FAM186A: variants seen among roughly 807,000 people sequenced by gnomAD.
FAM186A encodes family with sequence similarity 186 member A.
Under a neutral mutation model 216.8 loss-of-function variants are expected in FAM186A, and 163 were observed. The ratio of observed to expected loss-of-function variants is 0.75; its 90% confidence interval spans 0.66 to 0.86. FAM186A has a LOEUF of 0.86. Among genes scored for constraint, FAM186A ranks in the 40% least tolerant of loss-of-function variants. The probability of loss-of-function intolerance (pLI) is 0.00; values close to 1 mark genes in which losing one functional copy is unlikely to be tolerated. For missense variants in FAM186A, 2,184 were observed against 2,746.2 expected, an observed-to-expected ratio of 0.80 and a Z score of 4.58; for synonymous variants, 805 against 1,025.3, an observed-to-expected ratio of 0.79 and a Z score of 4.10.
intron 1 of FAM186A, among the ~76,000 whole-genome samples, chr12:50,391,222 C>T (rs1329452941): frequency 6.7e-6 from 1 of 149,466 alleles, no homozygotes; most frequent in Non-Finnish European, 1.5e-5. Context: ...CTCCTGACCT[C>T]AGGTGGTCTG....
intron 5 of FAM186A, among the ~76,000 whole-genome samples, chr12:50,332,523 CTTGA>C (rs1454069251): frequency 6.6e-6 from 1 of 152,174 alleles, no homozygotes; most frequent in African/African-American, 2.4e-5. Flanking sequence ...TTCTCCAAGC[CTTGA>C]TACCCATACC....
intron 1 of FAM186A, among the ~76,000 whole-genome samples, chr12:50,385,542 T>C (rs180970478): frequency 2.0e-5 from 3 of 151,084 alleles, no homozygotes; most frequent in East Asian, 2.0e-4. Context: ...AAAGCAAAAA[T>C]AGACAAATGG....
chr12:50,384,124 A>G (rs764259124), intron 1 of FAM186A, among the ~76,000 whole-genome samples: 39 of 152,192 alleles, frequency 2.6e-4, no homozygotes, highest in Middle Eastern at 3.4e-3. Context: ...CTCAAAAAAA[A>G]GAAAGAAAGA....
chr12:50,370,123 C>CAAAAAAA (rs56403101), intron 1 of FAM186A, among the ~76,000 whole-genome samples: 564 of 38,400 alleles, frequency 0.015, 59 homozygotes, highest in African/African-American at 0.036. Context: ...GACTCCATCT[C>CAAAAAAA]AAAAAAAAAA....
At chr12:50,362,999 A>G (rs1943050893) in intron 2 of FAM186A, 146 bp downstream of exon 2, 1 of 683,022 alleles carries the variant, frequency 1.5e-6, no homozygotes, top group South Asian at 2.5e-5. Context: ...TTTTATTCCT[A>G]CTGGAATAGA....
At chr12:50,327,753 C>CA (rs1409109008) in intron 7 of FAM186A, among the ~76,000 whole-genome samples, 1 of 151,980 alleles carries the variant, frequency 6.6e-6, no homozygotes, top group Non-Finnish European at 1.5e-5. Context: ...CCATGTTGCC[C>CA]AGGTTGGTCT....
intron 1 of FAM186A, among the ~76,000 whole-genome samples, chr12:50,374,852 A>C (rs911416756): frequency 2.6e-5 from 4 of 152,178 alleles, no homozygotes; most frequent in Non-Finnish European, 5.9e-5. Context: ...TATTTACAAC[A>C]AAAAGTTTGT....
intron 4 of FAM186A, among the ~76,000 whole-genome samples, chr12:50,346,096 G>C (rs1455859574): frequency 6.8e-6 from 1 of 148,136 alleles, no homozygotes; most frequent in Non-Finnish European, 1.5e-5. Flanking sequence ...GCTTCAGTCT[G>C]TGAGGCAGAA....
Position 50,353,705 on chromosome 12 carries a change from T to G in FAM186A, c.3127A>C (p.Lys1043Gln). 6.5e-7 allele frequency: 1 copy of G among 1,540,958 alleles called. No homozygotes were observed. Among genetic ancestry groups the G allele is most frequent in the Non-Finnish European group, 8.7e-7 (1 of 1,143,496 alleles). ...LKTLENLPDEKEPISITPPPS... is the reference protein window; with the variant it reads ...LKTLENLPDEQEPISITPPPS... ...GGAGGTGTGATTGATATGGGCTCCT[T>G]TTCATCAGGAAGGTTCTCTAATGTC... Residue 1043 changes from lysine (K) to glutamine (Q), a missense_variant, in exon 4 of 8, where the codon AAG (lysine) becomes CAG (glutamine). Physicochemically the swap from Lys to Gln is moderately conservative, Grantham distance 53. Coordinates refer to ENST00000327337, the MANE Select transcript of FAM186A (RefSeq NM_001145475.3).
intron 5 of FAM186A, among the ~76,000 whole-genome samples, 200 bp downstream of exon 5, chr12:50,333,711 C>G (rs1254658370): frequency 6.6e-6 from 1 of 152,034 alleles, no homozygotes; most frequent in Non-Finnish European, 1.5e-5. Flanking sequence ...TGGCAGACAC[C>G]CTGATTTCAC....
intron 3 of FAM186A, among the ~76,000 whole-genome samples, chr12:50,357,927 G>A (rs1257797826): frequency 2.0e-5 from 3 of 151,886 alleles, no homozygotes; most frequent in East Asian, 1.9e-4. Context: ...GCAGTGAGTC[G>A]AGATCACGCC....
At position 50,351,043 on chromosome 12, in the gene FAM186A, T is replaced by A. The variant is rs1942872738; in HGVS notation, c.5789A>T (p.His1930Leu). 6.4e-7 allele frequency: 1 copy of A among 1,551,042 alleles called. No individual in the cohort carries two copies. The highest frequency in any genetic ancestry group is 8.7e-7 in the Non-Finnish European group (1 of 1,146,870). The change falls in exon 4 of 8, where the codon CAT becomes CTT. Residue 1930 changes from histidine (H) to leucine (L), a missense_variant. By Grantham distance (99) the His-to-Leu change is moderately conservative. Around this residue, in one of 7 missense-constraint regions of FAM186A, gnomAD observed 721 missense variants for 816.4 expected, o/e 0.88. Transcript: ENST00000327337. Reference protein sequence around the residue: ...SSLWIPPTSRHPPTLWPSPAP... With the variant: ...SSLWIPPTSRLPPTLWPSPAP... ...TGGGGACGGCCATAGTGTGGGAGGA[T>A]GTCTAGAGGTGGGAGGGATCCATAA...
intron 4 of FAM186A, among the ~76,000 whole-genome samples, chr12:50,340,625 T>C (rs1449790246): frequency 6.6e-6 from 1 of 151,216 alleles, no homozygotes; most frequent in Non-Finnish European, 1.5e-5. Context: ...TGGTGAGCTA[T>C]GATCACACCA....
In FAM186A at chr12:50,363,353, C is replaced by T. The variant is rs1408834504; in HGVS notation, c.204G>A (p.Met68Ile). 6.5e-7 allele frequency: 1 copy of T among 1,549,478 alleles called. No individual in the cohort carries two copies. Residue 68 changes from methionine (M) to isoleucine (I), a missense_variant, in exon 2 of 8, where the codon ATG becomes ATA. Physicochemically the swap from Met to Ile is conservative, Grantham distance 10. Around this residue, in one of 7 missense-constraint regions of FAM186A, gnomAD observed 1,132 missense variants for 1,263.4 expected, o/e 0.90. Coordinates refer to ENST00000327337, the MANE Select transcript of FAM186A (RefSeq NM_001145475.3). ...QLHRAREDID[M>I]QLSEIMNNVH... is the part of the protein sequence containing the mutation. ...CATTGTTCATTATTTCACTCAGCTG[C>T]ATATCAATGTCCTGTCAGAATAAGA...
intron 3 of FAM186A, among the ~76,000 whole-genome samples, chr12:50,356,999 AACATACATACAT>A (rs71749786): frequency 0.81 from 122,119 of 149,896 alleles, 51,054 homozygotes; most frequent in Non-Finnish European, 0.92. Context: ...ACTTCGTCTC[AACATACATACAT>A]ACATACATAC....
At position 50,342,266 on chromosome 12, in the gene FAM186A, A is replaced by G. The variant is rs910298601; in HGVS notation, c.6503+8063T>C. On this transcript the variant is annotated intron_variant, in intron 4 of 7. Coordinates refer to ENST00000327337, the MANE Select transcript of FAM186A (RefSeq NM_001145475.3). ...GGTTGCAGTGAGCTGAGATCATGCCACTGCACTCCAGCCTGGGCAACCAAG... is the reference window on the plus strand; with the variant it reads ...GGTTGCAGTGAGCTGAGATCATGCCGCTGCACTCCAGCCTGGGCAACCAAG... Among the ~76,000 whole-genome samples, 21 of 150,990 alleles carry G rather than the reference A, an allele frequency of 1.4e-4. 1 individual carries two copies. Among genetic ancestry groups the G allele is most frequent in the African/African-American group, 5.1e-4 (21 of 41,082 alleles).
At chr12:50,363,112 T>C in intron 2 of FAM186A, 33 bp downstream of exon 2, 4 of 1,471,726 alleles carry the variant, frequency 2.7e-6, no homozygotes, top group Non-Finnish European at 3.6e-6. Flanking sequence ...ATTAACTTTA[T>C]GGTTTTCCTC....
chr12:50,366,127 CA>C (rs538209361), intron 1 of FAM186A: 6,282 of 422,344 alleles, frequency 0.015, no homozygotes, highest in South Asian at 0.029. Flanking sequence ...ATACTTGAAA[CA>C]AAAAAAAAAG....
chr12:50,353,585 C>G lies in FAM186A; in HGVS notation c.3247G>C (p.Val1083Leu), dbSNP rs575601499. ...IHLTPQQAQEVGITLTPQQAQ... is the reference protein window; with the variant it reads ...IHLTPQQAQELGITLTPQQAQ... ...TGCTGAGGAGTGAGTGTGATCCCCA[C>G]TTCCTGGGCCTGCTGAGGTGTGAGA... Residue 1083 changes from valine to leucine, a missense_variant, in exon 4 of 8, where the codon GTG (valine) becomes CTG (leucine). Val to Leu is a conservative substitution (Grantham distance 32). Coordinates refer to ENST00000327337, the MANE Select transcript of FAM186A (RefSeq NM_001145475.3). 1 of 1,521,644 alleles carries G rather than the reference C, an allele frequency of 6.6e-7. No individual in the cohort carries two copies. The highest frequency in any genetic ancestry group is 2.1e-5 in the Admixed American group (1 of 46,646). The allele number at this position is 1,521,644 out of a possible 1,614,324, so 94.3% of individuals were successfully genotyped here. A position where few individuals can be genotyped will look rare whatever the true frequency, so the allele number is the denominator to read the frequency against.
Sources: gnomAD v4.1 joint callset for allele counts (sites outside exome capture counted in the v4.1 genomes callset) on GRCh38, gnomAD v4.1.1 for gene constraint, gnomAD v4.1.1 regional missense constraint, MANE v1.5 for transcripts, NCBI Gene and HGNC (gene_info 2026-07-23, HGNC 2026-07-21) for gene names.